WWOX: variants seen among roughly 807,000 people sequenced by gnomAD.
WWOX encodes WW domain containing oxidoreductase, also known as WW domain-containing oxidoreductase.
Under a neutral mutation model 46.2 loss-of-function variants are expected in WWOX, and 69 were observed. That is an observed-to-expected ratio of 1.49 (90% CI 1.23 to 1.82). WWOX has a LOEUF of 1.82. WWOX is among the 40% of genes most tolerant of loss of function. The pLI, the probability that WWOX is intolerant of heterozygous loss-of-function variation, is 0.00. For missense variants in WWOX, 919 were observed against 542.6 expected (o/e 1.69, Z -6.89); for synonymous variants, 359 against 202.6 (o/e 1.77, Z -6.56).
At chr16:78,997,773 C>G (rs1407583686) in intron 8 of WWOX, among the ~76,000 whole-genome samples, 1 of 152,126 alleles carries the variant, frequency 6.6e-6, no homozygotes, top group Non-Finnish European at 1.5e-5. Context: ...ATTGTAAGGT[C>G]AACCAAGTAT....
At chr16:79,060,128 T>C (rs1027718019) in intron 8 of WWOX, among the ~76,000 whole-genome samples, 2 of 152,184 alleles carry the variant, frequency 1.3e-5, no homozygotes, top group African/African-American at 4.8e-5. Context: ...TCAACCACCA[T>C]TGTCCTCACC....
At chr16:78,227,706 G>T (rs1043983162) in intron 5 of WWOX, among the ~76,000 whole-genome samples, 10 of 152,050 alleles carry the variant, frequency 6.6e-5, no homozygotes, top group Non-Finnish European at 1.3e-4. Flanking sequence ...GTGAAACCCT[G>T]TCTCTACTAA....
At chr16:78,963,934 A>T (rs1489831343) in intron 8 of WWOX, among the ~76,000 whole-genome samples, 3 of 152,212 alleles carry the variant, frequency 2.0e-5, no homozygotes, top group African/African-American at 7.2e-5. Flanking sequence ...TAAGTTTCAT[A>T]AGATCCAATG....
At chr16:78,215,451 T>A (rs2036688730) in intron 5 of WWOX, among the ~76,000 whole-genome samples, 1 of 152,184 alleles carries the variant, frequency 6.6e-6, no homozygotes. Context: ...TAAATGGAAG[T>A]TTCCCCTGGC....
chr16:78,172,767 C>G (rs773069831), intron 5 of WWOX, among the ~76,000 whole-genome samples: 1 of 152,156 alleles, frequency 6.6e-6, no homozygotes, highest in Non-Finnish European at 1.5e-5. Context: ...AAACCCAAAG[C>G]AGATGCATCC....
chr16:79,133,979 A>G (rs1384856695), intron 8 of WWOX, among the ~76,000 whole-genome samples: 2 of 152,168 alleles, frequency 1.3e-5, no homozygotes, highest in Non-Finnish European at 2.9e-5. Flanking sequence ...TAAGGAGCAA[A>G]TATGTGAGCC....
chr16:78,602,638 C>T (rs111871001), intron 8 of WWOX, among the ~76,000 whole-genome samples: 3,056 of 152,234 alleles, frequency 0.02, 39 homozygotes, highest in South Asian at 0.046. Flanking sequence ...CATATCCTTC[C>T]GGCCAGGTTT....
At chr16:78,486,210 C>A (rs566787022) in intron 8 of WWOX, among the ~76,000 whole-genome samples, 58 of 152,204 alleles carry the variant, frequency 3.8e-4, no homozygotes, top group Non-Finnish European at 7.4e-4. Flanking sequence ...ATACTCACAC[C>A]TTGGCTGATT....
chr16:78,992,108 A>C (rs1461730965), intron 8 of WWOX, among the ~76,000 whole-genome samples: 21 of 152,140 alleles, frequency 1.4e-4, no homozygotes, highest in Non-Finnish European at 2.8e-4. Flanking sequence ...CTAGTTACTA[A>C]AGATGTAGCA....
At chr16:78,531,914 C>T (rs1022890069) in intron 8 of WWOX, among the ~76,000 whole-genome samples, 1 of 152,202 alleles carries the variant, frequency 6.6e-6, no homozygotes, top group South Asian at 2.1e-4. Flanking sequence ...ACTACAATAA[C>T]TTTTTCAGTC....
chr16:78,433,218 T>A (rs1721762728), intron 8 of WWOX, among the ~76,000 whole-genome samples: 1 of 152,188 alleles, frequency 6.6e-6, no homozygotes, highest in Admixed American at 6.5e-5. Flanking sequence ...TTTTTTCTTC[T>A]AATGGGTATA....
chr16:78,128,525 G>A (rs2033453662), intron 4 of WWOX, among the ~76,000 whole-genome samples: 1 of 152,166 alleles, frequency 6.6e-6, no homozygotes, highest in Non-Finnish European at 1.5e-5. Flanking sequence ...CACCTGCCCA[G>A]GTCCTTACTT....
At chr16:78,366,651 G>C (rs72794100) in intron 5 of WWOX, among the ~76,000 whole-genome samples, 1 of 152,134 alleles carries the variant, frequency 6.6e-6, no homozygotes, top group Non-Finnish European at 1.5e-5. Flanking sequence ...TATCTCGTCT[G>C]TTGCCACTTT....
intron 4 of WWOX, among the ~76,000 whole-genome samples, chr16:78,150,532 C>A (rs2034367857): frequency 6.6e-6 from 1 of 152,182 alleles, no homozygotes; most frequent in African/African-American, 2.4e-5. Context: ...TTGCACACCA[C>A]CATGCCTGGC....
intron 8 of WWOX, among the ~76,000 whole-genome samples, chr16:79,107,415 G>C (rs1567554881): frequency 6.6e-6 from 1 of 152,192 alleles, no homozygotes; most frequent in Non-Finnish European, 1.5e-5. Context: ...TGTTATTTTT[G>C]TTCTCATCCT....
At chr16:78,127,828 A>G (rs922536672) in intron 4 of WWOX, among the ~76,000 whole-genome samples, 2 of 152,276 alleles carry the variant, frequency 1.3e-5, no homozygotes, top group South Asian at 2.1e-4. Flanking sequence ...AAGGTAGGAC[A>G]GTTTTATTGG....
chr16:79,102,397 A>G (rs1053034427), intron 8 of WWOX, among the ~76,000 whole-genome samples: 4 of 152,300 alleles, frequency 2.6e-5, no homozygotes, highest in African/African-American at 9.6e-5. Context: ...AACTTTTATG[A>G]ATGTATGGAA....
intron 8 of WWOX, among the ~76,000 whole-genome samples, chr16:78,724,692 C>G (rs1480149894): frequency 6.6e-6 from 1 of 152,110 alleles, no homozygotes; most frequent in African/African-American, 2.4e-5. Context: ...GCTCGTCACC[C>G]TTGAGATTGA....
chr16:79,140,875 C>G (rs983089796), intron 8 of WWOX, among the ~76,000 whole-genome samples: 1 of 152,184 alleles, frequency 6.6e-6, no homozygotes, highest in South Asian at 2.1e-4. Flanking sequence ...CAGTTTCACA[C>G]CTCTGTTCTG....
Sources: allele counts gnomAD v4.1 joint callset (sites outside exome capture counted in the v4.1 genomes callset), GRCh38; gene constraint gnomAD v4.1.1; transcripts MANE v1.5; gene names NCBI Gene and HGNC (gene_info 2026-07-23, HGNC 2026-07-21).